Variants in GORASP2 observed in about 807,000 individuals in gnomAD.
GORASP2 encodes the protein Golgi reassembly-stacking protein 2.
A neutral mutation model predicts 45.7 loss-of-function variants in GORASP2; 22 were observed. The ratio of observed to expected loss-of-function variants is 0.48; its 90% CI spans 0.34 to 0.69. The LOEUF is 0.69. Ranked by LOEUF, GORASP2 falls within the 30% of genes least tolerant of loss-of-function variation. The probability of loss-of-function intolerance (pLI) is 0.01; values close to 1 mark genes in which losing one functional copy is unlikely to be tolerated. For synonymous variants in GORASP2, 221 were observed against 215.6 expected, an observed-to-expected ratio of 1.02 and a Z score of -0.22; for missense variants, 491 against 562.7, an observed-to-expected ratio of 0.87 and a Z score of 1.29.
intron 1 of GORASP2, among the ~76,000 whole-genome samples, chr2:170,937,812 C>T (rs1015825117): frequency 1.3e-5 from 2 of 151,898 alleles, no homozygotes; most frequent in Admixed American, 1.3e-4. Context: ...GATCCTGTCT[C>T]TAAAAAAAAT....
Position 170,948,210 on chromosome 2 carries a change from A to T in GORASP2, c.64-140A>T, listed in dbSNP as rs528036101. On this transcript the variant is annotated intron_variant, in intron 1 of 9. Coordinates refer to ENST00000234160, the MANE Select transcript of GORASP2 (RefSeq NM_015530.5). ...GCTGGACGGGCATTATCTGGGAGAG[A>T]TGAAGAGAAATGAGAGAACTAGCGT... 27 of 625,172 alleles carry T rather than the reference A, an allele frequency of 4.3e-5. No individual in the cohort carries two copies. In the South Asian group the frequency reaches 4.9e-4, roughly 11 times the overall value. 38.7% of individuals were successfully genotyped at this position (625,172 alleles called of 1,614,324 possible).
At chr2:170,935,879 A>G (rs933996023) in intron 1 of GORASP2, among the ~76,000 whole-genome samples, 7 of 152,138 alleles carry the variant, frequency 4.6e-5, no homozygotes, top group Non-Finnish European at 1.0e-4. Flanking sequence ...CCCGGCCTGT[A>G]TATGCTTTCG....
upstream of GORASP2, chr2:170,929,153 G>C (rs992903098): frequency 2.3e-6 from 1 of 426,700 alleles, no homozygotes; most frequent in Non-Finnish European, 4.0e-6. Flanking sequence ...CGCGGCAGGT[G>C]GCGCTGTCTG....
chr2:170,939,312 T>G (rs549081935), intron 1 of GORASP2, among the ~76,000 whole-genome samples: 21 of 152,370 alleles, frequency 1.4e-4, no homozygotes, highest in African/African-American at 5.0e-4. Context: ...GTACTTTGCT[T>G]TGTTTTGGAA....
intron 1 of GORASP2, among the ~76,000 whole-genome samples, chr2:170,931,949 C>T (rs10803853): frequency 0.6 from 91,223 of 152,194 alleles, 29,119 homozygotes; most frequent in East Asian, 0.95. Flanking sequence ...TCTCTTTGGC[C>T]GCGCACAGTG....
chr2:170,933,707 TAAAAG>T (rs10557150), intron 1 of GORASP2, among the ~76,000 whole-genome samples: 91,446 of 151,520 alleles, frequency 0.6, 29,158 homozygotes, highest in East Asian at 0.95. Flanking sequence ...GTTCCACACT[TAAAAG>T]AGATGGGGAA....
At chr2:170,929,465 C>A in intron 1 of GORASP2, 62 bp downstream of exon 1, 2 of 1,216,740 alleles carry the variant, frequency 1.6e-6, no homozygotes, top group Non-Finnish European at 2.1e-6. Flanking sequence ...CGCGGGGAGG[C>A]GGAGGCCCCC....
At chr2:170,945,194 C>T (rs1317184581) in intron 1 of GORASP2, among the ~76,000 whole-genome samples, 2 of 152,100 alleles carry the variant, frequency 1.3e-5, no homozygotes, top group Non-Finnish European at 2.9e-5. Context: ...GGTATGGTGA[C>T]GTGCCCCTGT....
At chr2:170,953,938 C>T (rs930142846) in intron 5 of GORASP2, 1 of 152,252 alleles carries the variant, frequency 6.6e-6, no homozygotes, top group African/African-American at 2.4e-5. Context: ...AGGGCAGACA[C>T]TCTGATTGAC....
At chr2:170,929,953 G>A (rs1703779436) in intron 1 of GORASP2, 1 of 349,382 alleles carries the variant, frequency 2.9e-6, no homozygotes, top group Non-Finnish European at 6.0e-6. Context: ...TAGGTTCGAC[G>A]GACTTAAACA....
Position 170,935,363 on chromosome 2 carries a change from T to C in GORASP2, c.63+5960T>C, listed in dbSNP as rs560622830. Among the ~76,000 whole-genome samples, 438 of 152,148 alleles carry C rather than the reference T, an allele frequency of 2.9e-3. 2 individuals are homozygous for C. The highest frequency in any genetic ancestry group is 4.6e-3 in the Non-Finnish European group (311 of 67,994). ...TCCGCCACTCCAGTTCAAGTGATTC[T>C]CCTGCCTCAGCCTCCCAAGTGGCTG... On this transcript the variant is annotated intron_variant, in intron 1 of 9. Transcript: ENST00000234160.
chr2:170,932,765 C>T (rs1703857874), intron 1 of GORASP2, among the ~76,000 whole-genome samples: 1 of 152,156 alleles, frequency 6.6e-6, no homozygotes, highest in Non-Finnish European at 1.5e-5. Context: ...TAACATCGCC[C>T]CTTAGCCATG....
At chr2:170,947,828 A>C (rs1704212220) in intron 1 of GORASP2, among the ~76,000 whole-genome samples, 1 of 152,188 alleles carries the variant, frequency 6.6e-6, no homozygotes, top group South Asian at 2.1e-4. Context: ...CCTCATATAG[A>C]AGATGAACTA....
At chr2:170,964,237 A>ACAG (rs1036173330) in intron 9 of GORASP2, among the ~76,000 whole-genome samples, 1 of 152,232 alleles carries the variant, frequency 6.6e-6, no homozygotes, top group Non-Finnish European at 1.5e-5. Flanking sequence ...GAATGATCTT[A>ACAG]CAGCACCATG....
chr2:170,961,964 C>T (rs1202640203), intron 8 of GORASP2, among the ~76,000 whole-genome samples: 11 of 152,206 alleles, frequency 7.2e-5, no homozygotes, highest in South Asian at 2.1e-4. Flanking sequence ...AGTTAGCTGC[C>T]GAGCCTAGTG....
At chr2:170,962,192 G>A (rs1704579405) in intron 8 of GORASP2, among the ~76,000 whole-genome samples, 1 of 152,238 alleles carries the variant, frequency 6.6e-6, no homozygotes, top group Non-Finnish European at 1.5e-5. Context: ...CATATTCCCA[G>A]TGAAGACCAA....
chr2:170,941,438 A>G (rs959470500), intron 1 of GORASP2, among the ~76,000 whole-genome samples: 5 of 152,160 alleles, frequency 3.3e-5, no homozygotes, highest in Non-Finnish European at 7.4e-5. Context: ...CTTTATATTA[A>G]AAGAGTGCAC....
At chr2:170,957,387 A>G (rs977954571) in intron 7 of GORASP2, among the ~76,000 whole-genome samples, 1 of 151,734 alleles carries the variant, frequency 6.6e-6, no homozygotes, top group Non-Finnish European at 1.5e-5. Context: ...AGTGATTCTC[A>G]TGCCTCAGCC....
chr2:170,931,087 G>T (rs1703811931), intron 1 of GORASP2, among the ~76,000 whole-genome samples: 1 of 151,758 alleles, frequency 6.6e-6, no homozygotes, highest in African/African-American at 2.4e-5. Context: ...TTATGTAAGT[G>T]CAGTCAAGTG....
Sources: allele counts gnomAD v4.1 joint callset (sites outside exome capture counted in the v4.1 genomes callset), GRCh38; gene constraint gnomAD v4.1.1; transcripts MANE v1.5; gene names NCBI Gene and HGNC (gene_info 2026-07-23, HGNC 2026-07-21).